Variants in ITGA4 observed in about 807,000 individuals in gnomAD.
ITGA4 encodes integrin alpha-4.
A neutral mutation model predicts 133.6 loss-of-function variants in ITGA4; 63 were observed. The ratio of observed to expected loss-of-function variants is 0.47; its 90% confidence interval spans 0.38 to 0.58. The LOEUF is 0.58. ITGA4 is among the 20% of genes least tolerant of loss of function. ITGA4 has a pLI of 0.00. For synonymous variants in ITGA4, 483 were observed against 438.0 expected, an observed-to-expected ratio of 1.10 and a Z score of -1.28; for missense variants, 1,076 against 1,252.7, an observed-to-expected ratio of 0.86 and a Z score of 2.13.
chr2:181,520,011 C>T (rs544003974), intron 17 of ITGA4, among the ~76,000 whole-genome samples: 80 of 152,174 alleles, frequency 5.3e-4, no homozygotes, highest in African/African-American at 1.7e-3. Context: ...ATGTGAATCA[C>T]GATCCAGCAT....
At chr2:181,474,208 A>G (rs1423121253) in intron 2 of ITGA4, among the ~76,000 whole-genome samples, 1 of 152,232 alleles carries the variant, frequency 6.6e-6, no homozygotes, top group Non-Finnish European at 1.5e-5. Flanking sequence ...TTTCTAACAA[A>G]AGAAAATAAT....
At chr2:181,519,871 T>C (rs1686682902) in intron 17 of ITGA4, among the ~76,000 whole-genome samples, 1 of 152,124 alleles carries the variant, frequency 6.6e-6, no homozygotes, top group Non-Finnish European at 1.5e-5. Flanking sequence ...CAATAACTTA[T>C]CCAATAATTT....
At chr2:181,528,182 GC>G (rs759149321) in intron 22 of ITGA4, among the ~76,000 whole-genome samples, 2 of 152,284 alleles carry the variant, frequency 1.3e-5, no homozygotes, top group South Asian at 2.1e-4. Flanking sequence ...TATCCAGAAT[GC>G]AAATTCCTTG....
rs746926973 is a variant in ITGA4 at position 181,534,968 on chromosome 2, C to T, written c.3003+33C>T. The stretch of plus-strand genomic sequence containing the variant: ...TTTAACAATTACCAACATTAGTCTA[C>T]TAAAAATGACATTTTCTCAAAGCCA... On this transcript the variant is annotated intron_variant, in intron 27 of 27. Coordinates refer to ENST00000397033, the MANE Select transcript of ITGA4 (RefSeq NM_000885.6). 9.8e-6 allele frequency: 15 copies of T among 1,526,208 alleles called. No individual in the cohort carries two copies. In the East Asian group the frequency reaches 2.8e-4, roughly 29 times the overall value. The allele number at this position is 1,526,208 out of a possible 1,614,324, so 94.5% of individuals were successfully genotyped here.
chr2:181,536,113 A>C lies in ITGA4; in HGVS notation c.*586A>C, dbSNP rs201305933. 1.3e-5 allele frequency: 2 copies of C among 152,030 alleles called. No homozygotes were observed. The highest frequency in any genetic ancestry group is 4.8e-5 in the African/African-American group (2 of 41,400). The allele number at this position is 152,030 out of a possible 1,614,324, so 9.4% of individuals were successfully genotyped here. A position where few individuals can be genotyped will look rare whatever the true frequency, so the allele number is the denominator to read the frequency against. ...TTTTTCAGCAGACTATGAATATTAT[A>C]GTATTATAGGCCAAACTGGCAAACT... is the stretch of plus-strand genomic sequence containing the variant. On this transcript the variant is annotated 3_prime_UTR_variant, in exon 28 of 28. Transcript: ENST00000397033.
intron 15 of ITGA4, among the ~76,000 whole-genome samples, chr2:181,501,380 G>C (rs1816990): frequency 0.83 from 126,429 of 152,096 alleles, 52,798 homozygotes; most frequent in South Asian, 0.94. Context: ...AATGGTGGAA[G>C]AAGAGATTAT....
chr2:181,533,186 A>G (rs964922632), intron 25 of ITGA4, among the ~76,000 whole-genome samples: 6 of 152,180 alleles, frequency 3.9e-5, no homozygotes, highest in South Asian at 2.1e-4. Context: ...CATCTGTTCA[A>G]TATGGATAAA....
intron 14 of ITGA4, among the ~76,000 whole-genome samples, chr2:181,496,897 T>C (rs1686168554): frequency 1.3e-5 from 2 of 152,154 alleles, no homozygotes. Context: ...CACATACTTA[T>C]TAAATAATGC....
chr2:181,508,182 CAG>C (rs1248942818), intron 15 of ITGA4, among the ~76,000 whole-genome samples: 3 of 150,008 alleles, frequency 2.0e-5, no homozygotes, highest in Admixed American at 6.6e-5. Flanking sequence ...TCTTTGGAGA[CAG>C]AAGACAATGA....
intron 4 of ITGA4, among the ~76,000 whole-genome samples, chr2:181,476,395 T>C (rs1353872804): frequency 1.3e-5 from 2 of 152,190 alleles, no homozygotes; most frequent in Non-Finnish European, 2.9e-5. Context: ...TATATTTTTT[T>C]AAAGGGATGA....
chr2:181,520,497 G>T (rs1372062376), intron 17 of ITGA4, among the ~76,000 whole-genome samples: 5 of 152,004 alleles, frequency 3.3e-5, no homozygotes, highest in Admixed American at 3.3e-4. Context: ...TCTTGAAAAT[G>T]ACCCTCTGGC....
chr2:181,501,095 T>C (rs1686259089), intron 15 of ITGA4, among the ~76,000 whole-genome samples: 1 of 152,078 alleles, frequency 6.6e-6, no homozygotes, highest in Non-Finnish European at 1.5e-5. Context: ...CAGTTGTTCT[T>C]AGTTTTAGGG....
chr2:181,457,750 C>T lies in ITGA4; in HGVS notation c.96C>T (p.Arg32=). The T allele has an allele frequency of 6.2e-7, 1 of 1,613,386 alleles. No homozygotes were observed. Among genetic ancestry groups the T allele is most frequent in the Non-Finnish European group, 8.5e-7 (1 of 1,179,906 alleles). Residue 32 remains arginine (R), a synonymous_variant, in exon 1 of 28, where the codon CGC becomes CGT. Transcript: ENST00000397033. ...LLLCLGVPTG[R]PYNVDTESAL... is the part of the protein sequence containing the mutation. ...TGTGCCTGGGGGTCCCGACCGGCCG[C>T]CCCTACAACGTGGACACTGAGAGCG...
rs1484079441 is a variant in ITGA4, at chr2:181,537,894, C to CTGAG, written c.*2369_*2372dup. ...AGGAGGTTAGAGCAATGGAGCATTA[C>CTGAG]TGAGTTCCTCCCCCTGTCAGATCAG... On this transcript the variant is annotated 3_prime_UTR_variant, in exon 28 of 28. Transcript: ENST00000397033. 3 of 555,344 alleles carry CTGAG rather than the reference C, an allele frequency of 5.4e-6. No homozygotes were observed. The highest frequency in any genetic ancestry group is 4.4e-5 in the Admixed American group (2 of 45,612). 34.4% of individuals were successfully genotyped at this position (555,344 alleles called of 1,614,324 possible). A position where few individuals can be genotyped will look rare whatever the true frequency, so the allele number is the denominator to read the frequency against.
chr2:181,488,794 G>C (rs781329017), intron 10 of ITGA4, among the ~76,000 whole-genome samples: 4 of 152,096 alleles, frequency 2.6e-5, no homozygotes, highest in Admixed American at 2.0e-4. Context: ...TCCTGACCTT[G>C]TGATCTGCCC....
chr2:181,527,267 G>C, intron 21 of ITGA4, 30 bp from the exon 22 acceptor site: 1 of 1,264,132 alleles, frequency 7.9e-7, no homozygotes, highest in Non-Finnish European at 1.2e-6. Flanking sequence ...GAATAAGACA[G>C]TTAATTAAAT....
intron 15 of ITGA4, among the ~76,000 whole-genome samples, chr2:181,506,179 T>C (rs987352391): frequency 1.3e-5 from 2 of 152,124 alleles, no homozygotes; most frequent in African/African-American, 4.8e-5. Context: ...ATTTTCTATT[T>C]AATGTTGATG....
At chr2:181,478,192 G>A (rs1349385292) in intron 4 of ITGA4, among the ~76,000 whole-genome samples, 3 of 152,030 alleles carry the variant, frequency 2.0e-5, no homozygotes, top group Non-Finnish European at 4.4e-5. Flanking sequence ...AGAGAAGAAG[G>A]TGAGCAGAGA....
chr2:181,474,851 AAGAT>A, intron 2 of ITGA4, 105 bp from the exon 3 acceptor site: 1 of 710,398 alleles, frequency 1.4e-6, no homozygotes, highest in Non-Finnish European at 2.4e-6. Context: ...CACTGAATAT[AAGAT>A]AGAGAAGTAG....
Sources: gnomAD v4.1 joint callset for allele counts (sites outside exome capture counted in the v4.1 genomes callset) on GRCh38, gnomAD v4.1.1 for gene constraint, MANE v1.5 for transcripts, NCBI Gene and HGNC (gene_info 2026-07-23, HGNC 2026-07-21) for gene names.